PDE10A: variants seen among roughly 807,000 people sequenced by gnomAD.
PDE10A encodes cAMP and cAMP-inhibited cGMP 3',5'-cyclic phosphodiesterase 10A.
PDE10A carries 39 observed loss-of-function variants against 97.7 expected under a neutral mutation model. The ratio of observed to expected loss-of-function variants is 0.40; its 90% CI spans 0.31 to 0.52. The LOEUF (loss-of-function observed/expected upper bound fraction) is 0.52, where lower values mean the gene tolerates loss of function less well. Ranked by LOEUF, PDE10A falls within the 20% of genes least tolerant of loss-of-function variation. The pLI, the probability that PDE10A is intolerant of heterozygous loss-of-function variation, is 0.56. For missense variants in PDE10A, 731 were observed against 1,047.8 expected (o/e 0.70, Z 4.17); for synonymous variants, 371 against 376.8 (o/e 0.98, Z 0.18).
intron 1 of PDE10A, among the ~76,000 whole-genome samples, chr6:165,694,084 T>C (rs7772812): frequency 0.1 from 15,817 of 152,200 alleles, 2,224 homozygotes; most frequent in African/African-American, 0.32. Flanking sequence ...TGTTAGCTAA[T>C]ATATAATTCA....
chr6:165,349,020 A>G (rs997367516), intron 18 of PDE10A, among the ~76,000 whole-genome samples: 1 of 152,206 alleles, frequency 6.6e-6, no homozygotes, highest in African/African-American at 2.4e-5. Flanking sequence ...ATTTCTTCAT[A>G]GCAGCATGAG....
chr6:165,985,675 G>T (rs1291116525), intron 1 of PDE10A, among the ~76,000 whole-genome samples: 1 of 152,118 alleles, frequency 6.6e-6, no homozygotes, highest in Non-Finnish European at 1.5e-5. Context: ...GATCTCACCG[G>T]CACCCCTGCC....
At chr6:165,850,897 C>A (rs1376884011) in intron 1 of PDE10A, among the ~76,000 whole-genome samples, 2 of 152,146 alleles carry the variant, frequency 1.3e-5, no homozygotes, top group East Asian at 1.9e-4. Flanking sequence ...ATCCAGGCAT[C>A]TCACTAGGTA....
At chr6:165,443,101 G>C (rs1237114242) in intron 5 of PDE10A, among the ~76,000 whole-genome samples, 3 of 135,806 alleles carry the variant, frequency 2.2e-5, no homozygotes, top group East Asian at 4.2e-4. Flanking sequence ...GACAGAGCAA[G>C]GCTCTGTCTC....
intron 1 of PDE10A, among the ~76,000 whole-genome samples, chr6:165,848,212 GC>G (rs747933873): frequency 6.6e-6 from 1 of 152,232 alleles, no homozygotes; most frequent in East Asian, 1.9e-4. Context: ...CTTACTGAGC[GC>G]CCCCTATGTG....
intron 18 of PDE10A, among the ~76,000 whole-genome samples, chr6:165,374,279 AATT>A (rs1389732063): frequency 4.6e-5 from 7 of 151,756 alleles, no homozygotes; most frequent in Non-Finnish European, 7.4e-5. Flanking sequence ...AGAAAACTTT[AATT>A]ATTATTTGTT....
Position 165,864,121 on chromosome 6 carries a change from CT to C in PDE10A, c.-615+123407del, listed in dbSNP as rs148150835. ...AGACACCTCATTGTGTACCGCAAAT[CT>C]ATGCTTCGCTGTTCTGGCCCATTTA... On this transcript the variant is annotated intron_variant, in intron 1 of 19. Coordinates refer to the PDE10A transcript ENST00000366882. Among the ~76,000 whole-genome samples the C allele has an allele frequency of 6.1e-3, 932 of 152,282 alleles. 49 individuals are homozygous for C. In the East Asian group the frequency reaches 0.1, roughly 16 times the overall value.
rs536161441 is a variant in PDE10A, at chr6:165,447,393, A to G, written c.1194+1535T>C. 2.0e-5 allele frequency among the ~76,000 whole-genome samples: 3 copies of G among 152,316 alleles called. No homozygotes were observed. In the East Asian group the frequency reaches 5.8e-4, roughly 29 times the overall value. ...TAGCAAAGAATCTGCTGGGGCCCTC[A>G]TGGGCCACATGTCCACCCCGATCTG... is the stretch of plus-strand genomic sequence containing the variant. On this transcript the variant is annotated intron_variant, in intron 5 of 21. Transcript: ENST00000539869.
intron 1 of PDE10A, among the ~76,000 whole-genome samples, chr6:165,894,821 T>C (rs1050994550): frequency 1.3e-5 from 2 of 152,252 alleles, no homozygotes; most frequent in Admixed American, 1.3e-4. Context: ...CTAAAACTGA[T>C]ACCACAAGAA....
At chr6:165,577,659 G>C (rs1785384587) in intron 1 of PDE10A, among the ~76,000 whole-genome samples, 1 of 152,194 alleles carries the variant, frequency 6.6e-6, no homozygotes, top group Non-Finnish European at 1.5e-5. Context: ...TGGGCCGCCT[G>C]CTATGAGTCC....
chr6:165,576,101 A>G (rs1785289632), intron 1 of PDE10A, among the ~76,000 whole-genome samples: 1 of 152,178 alleles, frequency 6.6e-6, no homozygotes, highest in Middle Eastern at 3.4e-3. Context: ...AACCCACCCT[A>G]TGAAAAATAA....
chr6:165,445,314 G>A (rs1287686370), intron 5 of PDE10A, among the ~76,000 whole-genome samples: 1 of 152,202 alleles, frequency 6.6e-6, no homozygotes, highest in African/African-American at 2.4e-5. Context: ...TTGCTGGGCT[G>A]AGAAGAATGG....
chr6:165,899,104 A>G (rs998090420), intron 1 of PDE10A, among the ~76,000 whole-genome samples: 4 of 152,374 alleles, frequency 2.6e-5, no homozygotes, highest in African/African-American at 9.6e-5. Flanking sequence ...CCTGGCATCC[A>G]GAAGAGTGTC....
chr6:165,722,881 TATACACACAC>T (rs977508523), intron 1 of PDE10A, among the ~76,000 whole-genome samples: 3 of 145,728 alleles, frequency 2.1e-5, no homozygotes, highest in Non-Finnish European at 4.5e-5. Flanking sequence ...TATATATATA[TATACACACAC>T]ACACACACAC....
At chr6:165,437,233 A>G (rs1790088348) in intron 5 of PDE10A, among the ~76,000 whole-genome samples, 1 of 144,408 alleles carries the variant, frequency 6.9e-6, no homozygotes. Flanking sequence ...TAAAACGCAC[A>G]TCTTTTTTTT....
intron 1 of PDE10A, among the ~76,000 whole-genome samples, chr6:165,725,758 A>G (rs992496526): frequency 2.0e-5 from 3 of 152,068 alleles, no homozygotes; most frequent in Non-Finnish European, 4.4e-5. Context: ...CTCCCTTTCC[A>G]TTATCCCCCA....
At position 165,448,506 on chromosome 6, in the gene PDE10A, G is replaced by C. The variant is rs149413954; in HGVS notation, c.1194+422C>G. Among the ~76,000 whole-genome samples, 457 of 152,240 alleles carry C rather than the reference G, an allele frequency of 3.0e-3. 1 individual carries two copies. Among genetic ancestry groups the C allele is most frequent in the African/African-American group, 0.011 (444 of 41,548 alleles). The stretch of plus-strand genomic sequence containing the variant: ...GACACAAAGCCCTAGGACTTTTAGA[G>C]TCATCTGCAAAAAACTTTAAAAATC... On this transcript the variant is annotated intron_variant, in intron 5 of 21. Coordinates refer to ENST00000539869, the MANE Select transcript of PDE10A (RefSeq NM_001385079.1).
intron 15 of PDE10A, among the ~76,000 whole-genome samples, chr6:165,394,103 C>T (rs1785937083): frequency 6.6e-6 from 1 of 151,912 alleles, no homozygotes; most frequent in Non-Finnish European, 1.5e-5. Flanking sequence ...GTTCTGGGGT[C>T]CACGTGCAGA....
chr6:165,473,933 T>C (rs1414748172), intron 3 of PDE10A, among the ~76,000 whole-genome samples: 1 of 152,192 alleles, frequency 6.6e-6, no homozygotes, highest in African/African-American at 2.4e-5. Context: ...TTCAAGTCAT[T>C]CACTCAATTA....
Sources: gnomAD v4.1 joint callset for allele counts (sites outside exome capture counted in the v4.1 genomes callset) on GRCh38, gnomAD v4.1.1 for gene constraint, MANE v1.5 for transcripts, NCBI Gene and HGNC (gene_info 2026-07-23, HGNC 2026-07-21) for gene names.